TRDN: variants seen among roughly 807,000 people sequenced by gnomAD.
TRDN encodes triadin, also known as triadin in skeletal muscle.
A neutral mutation model predicts 149.7 loss-of-function variants in TRDN; 161 were observed. That is an observed-to-expected ratio of 1.08 (90% CI 0.95 to 1.23). TRDN has a LOEUF of 1.23. Ranked by LOEUF, TRDN falls within the 50% of genes most tolerant of loss-of-function variation. The pLI, the probability that TRDN is intolerant of heterozygous loss-of-function variation, is 0.00. For synonymous variants in TRDN, 294 were observed against 250.5 expected, an observed-to-expected ratio of 1.17 and a Z score of -1.64; for missense variants, 896 against 823.5, an observed-to-expected ratio of 1.09 and a Z score of -1.08.
At chr6:123,404,790 A>C (rs1490183344) in intron 12 of TRDN, among the ~76,000 whole-genome samples, 1 of 152,188 alleles carries the variant, frequency 6.6e-6, no homozygotes. Flanking sequence ...CTAAGAGTTC[A>C]AATGCTTTAA....
chr6:123,336,542 C>G (rs1779877524), intron 22 of TRDN, among the ~76,000 whole-genome samples: 1 of 152,028 alleles, frequency 6.6e-6, no homozygotes, highest in African/African-American at 2.4e-5. Context: ...ATCAAAATCT[C>G]CTATTACACC....
chr6:123,376,327 T>G (rs1781502813), intron 18 of TRDN, among the ~76,000 whole-genome samples: 1 of 152,166 alleles, frequency 6.6e-6, no homozygotes, highest in Admixed American at 6.5e-5. Flanking sequence ...GACAAAACAT[T>G]TCTTCCCAAA....
rs950851610 is a variant in TRDN, at chr6:123,530,570, G to GA, written c.425-6dup. 7 of 1,224,022 alleles carry GA rather than the reference G, an allele frequency of 5.7e-6. No homozygotes were observed. The highest frequency in any genetic ancestry group is 2.6e-4 in the Middle Eastern group (1 of 3,864). 75.8% of individuals were successfully genotyped at this position (1,224,022 alleles called of 1,614,324 possible). ...CAGTCTTATCTTTGTGTATTTCTAA[G>GA]AAAAAATAGAATTTATAATTTTAAA... On this transcript the variant is annotated splice_region_variant and splice_polypyrimidine_tract_variant and intron_variant, in intron 4 of 40. Coordinates refer to ENST00000334268, the MANE Select transcript of TRDN (RefSeq NM_006073.4).
At chr6:123,391,646 T>C (rs1032223587) in intron 13 of TRDN, among the ~76,000 whole-genome samples, 7 of 152,138 alleles carry the variant, frequency 4.6e-5, no homozygotes, top group South Asian at 4.1e-4. Context: ...TTCCAAAGAA[T>C]ATATGCTAAA....
intron 1 of TRDN, among the ~76,000 whole-genome samples, chr6:123,591,791 C>T (rs1005302081): frequency 6.6e-6 from 1 of 152,174 alleles, no homozygotes; most frequent in Non-Finnish European, 1.5e-5. Flanking sequence ...GAGCTTGAAG[C>T]TCCTTTATGT....
intron 8 of TRDN, among the ~76,000 whole-genome samples, chr6:123,498,957 A>C (rs758077413): frequency 3.3e-5 from 5 of 152,152 alleles, no homozygotes; most frequent in Non-Finnish European, 5.9e-5. Flanking sequence ...GTCAAAATAC[A>C]GATTTTTGGG....
intron 4 of TRDN, among the ~76,000 whole-genome samples, chr6:123,543,673 T>C (rs1780965356): frequency 6.6e-6 from 1 of 152,160 alleles, no homozygotes; most frequent in Admixed American, 6.5e-5. Context: ...GTTGAAGGAT[T>C]ACAAGTGATA....
intron 1 of TRDN, among the ~76,000 whole-genome samples, chr6:123,588,445 C>G (rs1488902224): frequency 6.6e-6 from 1 of 152,102 alleles, no homozygotes; most frequent in African/African-American, 2.4e-5. Context: ...CCCATCATGG[C>G]CTGAACTAGT....
At chr6:123,261,678 C>CA (rs895054669) in intron 33 of TRDN, among the ~76,000 whole-genome samples, 3 of 148,338 alleles carry the variant, frequency 2.0e-5, no homozygotes, top group East Asian at 3.9e-4. Flanking sequence ...TTTCAAAATT[C>CA]AAAAAAAAAT....
intron 38 of TRDN, among the ~76,000 whole-genome samples, chr6:123,246,091 T>C (rs1776165690): frequency 6.6e-6 from 1 of 152,052 alleles, no homozygotes; most frequent in African/African-American, 2.4e-5. Context: ...TAAAGCAGTG[T>C]TTAGAGGGAA....
chr6:123,557,000 T>G (rs1781700343), intron 2 of TRDN, among the ~76,000 whole-genome samples: 1 of 152,046 alleles, frequency 6.6e-6, no homozygotes, highest in African/African-American at 2.4e-5. Flanking sequence ...CTTGTGAAAT[T>G]CCTTCTCCTG....
At chr6:123,621,226 T>C (rs1408854980) in intron 1 of TRDN, among the ~76,000 whole-genome samples, 2 of 152,114 alleles carry the variant, frequency 1.3e-5, no homozygotes, top group South Asian at 2.1e-4. Flanking sequence ...GTCCTTAGGA[T>C]TCTATTCATT....
At chr6:123,321,914 A>T (rs1779257014) in intron 23 of TRDN, among the ~76,000 whole-genome samples, 1 of 152,076 alleles carries the variant, frequency 6.6e-6, no homozygotes. Context: ...GAACTTCTTC[A>T]GTTCATAGAT....
At chr6:123,507,429 C>T (rs938388398) in intron 7 of TRDN, among the ~76,000 whole-genome samples, 7 of 151,968 alleles carry the variant, frequency 4.6e-5, no homozygotes, top group African/African-American at 1.4e-4. Context: ...ATATTTTCTA[C>T]TATTTTAGAC....
At chr6:123,259,520 T>C in intron 35 of TRDN, 104 bp downstream of exon 35, 1 of 767,268 alleles carries the variant, frequency 1.3e-6, no homozygotes, top group East Asian at 2.9e-5. Flanking sequence ...AGTGTCTTCA[T>C]TTTCATCAAC....
chr6:123,636,254 C>A (rs946091232), intron 1 of TRDN, among the ~76,000 whole-genome samples: 1 of 151,706 alleles, frequency 6.6e-6, no homozygotes, highest in Non-Finnish European at 1.5e-5. Flanking sequence ...GTTTTACATA[C>A]CCTAGTAGGA....
At chr6:123,625,103 G>A (rs74362594) in intron 1 of TRDN, among the ~76,000 whole-genome samples, 4,738 of 147,068 alleles carry the variant, frequency 0.032, 114 homozygotes, top group Middle Eastern at 0.042. Flanking sequence ...TTGATCAAAT[G>A]TACTCTTGAT....
intron 12 of TRDN, among the ~76,000 whole-genome samples, chr6:123,403,813 C>A: frequency 6.6e-6 from 1 of 150,952 alleles, no homozygotes; most frequent in South Asian, 2.1e-4. Flanking sequence ...GAATCAAAAT[C>A]AGAAATAAAA....
At chr6:123,563,729 TCTGA>T (rs770447443) in intron 2 of TRDN, among the ~76,000 whole-genome samples, 1 of 152,238 alleles carries the variant, frequency 6.6e-6, no homozygotes, top group African/African-American at 2.4e-5. Flanking sequence ...ATTAACATAT[TCTGA>T]CTAATTATTT....
Sources: gnomAD v4.1 joint callset for allele counts (sites outside exome capture counted in the v4.1 genomes callset) on GRCh38, gnomAD v4.1.1 for gene constraint, MANE v1.5 for transcripts, NCBI Gene and HGNC (gene_info 2026-07-23, HGNC 2026-07-21) for gene names.